Variants in CAMK1D observed in about 807,000 individuals in gnomAD.
The protein encoded by CAMK1D is calcium/calmodulin dependent protein kinase ID, also known as calcium/calmodulin-dependent protein kinase type 1D.
In CAMK1D, 9 loss-of-function variants were observed where a neutral mutation model predicts 47.7. The ratio of observed to expected loss-of-function variants is 0.19; its 90% CI spans 0.11 to 0.33. CAMK1D has a LOEUF of 0.33. CAMK1D is among the 10% of genes least tolerant of loss of function. The probability of loss-of-function intolerance (pLI) is 1.00; values close to 1 mark genes in which losing one functional copy is unlikely to be tolerated. For synonymous variants in CAMK1D, 184 were observed against 184.9 expected, an observed-to-expected ratio of 0.99 and a Z score of 0.04; for missense variants, 291 against 488.7, an observed-to-expected ratio of 0.60 and a Z score of 3.81.
intron 1 of CAMK1D, among the ~76,000 whole-genome samples, chr10:12,524,069 A>G (rs576088332): frequency 4.6e-5 from 7 of 150,580 alleles, no homozygotes; most frequent in Non-Finnish European, 8.9e-5. Context: ...TTTTTTGTAT[A>G]TTTTAGTAGA....
chr10:12,659,409 C>A (rs1252599770), intron 2 of CAMK1D, among the ~76,000 whole-genome samples: 2 of 152,202 alleles, frequency 1.3e-5, no homozygotes, highest in Non-Finnish European at 2.9e-5. Context: ...GAGTGATCAT[C>A]TGTGAGATAG....
At chr10:12,376,999 G>A (rs1012869290) in intron 1 of CAMK1D, among the ~76,000 whole-genome samples, 51 of 152,168 alleles carry the variant, frequency 3.4e-4, no homozygotes, top group African/African-American at 1.1e-3. Context: ...GACCTCAAGT[G>A]ATCCTCCTGC....
chr10:12,554,848 G>C (rs1039981392), intron 2 of CAMK1D, among the ~76,000 whole-genome samples: 1 of 152,166 alleles, frequency 6.6e-6, no homozygotes, highest in African/African-American at 2.4e-5. Flanking sequence ...CTGGCTCCCA[G>C]AACCATTCTG....
chr10:12,520,958 G>GAGGGGA, intron 1 of CAMK1D, among the ~76,000 whole-genome samples: 1 of 135,710 alleles, frequency 7.4e-6, no homozygotes, highest in Non-Finnish European at 1.6e-5. Flanking sequence ...GGGGGAGGGG[G>GAGGGGA]AGGGGGAGGG....
At chr10:12,738,259 G>A (rs1269481098) in intron 3 of CAMK1D, among the ~76,000 whole-genome samples, 2 of 152,190 alleles carry the variant, frequency 1.3e-5, no homozygotes, top group Admixed American at 1.3e-4. Context: ...CTGTCAATAA[G>A]AGGACATTTT....
intron 6 of CAMK1D, among the ~76,000 whole-genome samples, chr10:12,808,151 C>A (rs59839798): frequency 0.52 from 78,828 of 152,086 alleles, 22,538 homozygotes; most frequent in South Asian, 0.7. Context: ...CCTGCTTATC[C>A]CCTGAGATAG....
At chr10:12,650,407 C>T (rs1262016199) in intron 2 of CAMK1D, among the ~76,000 whole-genome samples, 1 of 152,246 alleles carries the variant, frequency 6.6e-6, no homozygotes, top group African/African-American at 2.4e-5. Context: ...TTTACGTACA[C>T]TTCTGTCTTC....
chr10:12,755,625 A>G (rs1344792904), intron 3 of CAMK1D, among the ~76,000 whole-genome samples: 1 of 152,170 alleles, frequency 6.6e-6, no homozygotes, highest in Non-Finnish European at 1.5e-5. Context: ...CCAACAGTGT[A>G]AAAGTGTTCC....
chr10:12,759,978 C>T (rs1405384580), intron 3 of CAMK1D, among the ~76,000 whole-genome samples: 1 of 152,084 alleles, frequency 6.6e-6, no homozygotes, highest in Non-Finnish European at 1.5e-5. Flanking sequence ...TCAAATCTGT[C>T]TCATCTTGTT....
At chr10:12,792,640 T>C (rs1838025213) in intron 6 of CAMK1D, among the ~76,000 whole-genome samples, 1 of 152,218 alleles carries the variant, frequency 6.6e-6, no homozygotes, top group Non-Finnish European at 1.5e-5. Flanking sequence ...GCAGATGGCC[T>C]TTCTCCAGCG....
intron 1 of CAMK1D, among the ~76,000 whole-genome samples, chr10:12,498,099 C>T (rs1034405359): frequency 1.3e-5 from 2 of 152,192 alleles, no homozygotes; most frequent in Non-Finnish European, 2.9e-5. Context: ...CAATTACCTC[C>T]CATCGGGTCC....
At chr10:12,729,102 G>A (rs374050336) in intron 3 of CAMK1D, among the ~76,000 whole-genome samples, 3 of 152,142 alleles carry the variant, frequency 2.0e-5, no homozygotes, top group African/African-American at 7.2e-5. Context: ...TCATGTCATC[G>A]TGGTTGGGCA....
At position 12,642,048 on chromosome 10, in the gene CAMK1D, T is replaced by TAAAAAAAA. The variant is rs34344996; in HGVS notation, c.225-24681_225-24674dup. On this transcript the variant is annotated intron_variant, in intron 2 of 10. Transcript: ENST00000619168. ...GACAGAGTGAGACCCTTTCTCAGAATAAAAAAAAAAAAAAGAAAGAAAAGG... is the reference window on the plus strand; with the variant it reads ...GACAGAGTGAGACCCTTTCTCAGAATAAAAAAAAAAAAAAAAAAAAAAGAAAGAAAAGG... Among the ~76,000 whole-genome samples, 30 of 133,090 alleles carry TAAAAAAAA rather than the reference T, an allele frequency of 2.3e-4. 2 individuals carry two copies. The highest frequency in any genetic ancestry group is 8.9e-4 in the East Asian group (4 of 4,516). 87.3% of individuals were successfully genotyped at this position (133,090 alleles called of 152,430 possible).
chr10:12,828,665 C>G (rs1404969268), intron 10 of CAMK1D, 104 bp from the exon 11 acceptor site: 2 of 827,196 alleles, frequency 2.4e-6, no homozygotes, highest in Non-Finnish European at 1.9e-6. Flanking sequence ...ATTGGGCCCC[C>G]CCGCCCCCCA....
At chr10:12,593,987 A>G (rs998205755) in intron 2 of CAMK1D, among the ~76,000 whole-genome samples, 1 of 151,832 alleles carries the variant, frequency 6.6e-6, no homozygotes, top group Non-Finnish European at 1.5e-5. Context: ...GACCAGCCTG[A>G]CCAACGTGGT....
intron 1 of CAMK1D, among the ~76,000 whole-genome samples, chr10:12,420,468 T>C (rs1270916469): frequency 6.6e-6 from 1 of 152,252 alleles, no homozygotes; most frequent in East Asian, 1.9e-4. Context: ...GTGGATTTTA[T>C]GGCTTAGTAA....
chr10:12,373,050 C>T (rs370410650), intron 1 of CAMK1D, among the ~76,000 whole-genome samples: 13 of 152,330 alleles, frequency 8.5e-5, no homozygotes, highest in South Asian at 8.3e-4. Flanking sequence ...ATTCTTTTAA[C>T]AGACGTTTGC....
chr10:12,814,300 C>T lies in CAMK1D; in HGVS notation c.747C>T (p.Ser249=), dbSNP rs774341330. 38 of 1,606,370 alleles carry T rather than the reference C, an allele frequency of 2.4e-5. No individual in the cohort carries two copies. Among genetic ancestry groups the T allele is most frequent in the Middle Eastern group, 3.3e-4 (2 of 6,050 alleles). The change falls in exon 7 of 11, where the codon TCC becomes TCT. Residue 249 remains serine (S), a synonymous_variant. Transcript: ENST00000619168. ...EFDSPYWDDI[S]DSAKDFIRNL... is the part of the protein sequence containing the mutation. ...ACTCTCCCTACTGGGATGACATCTCCGACTCTGGTAGGTCTCCCATAGGCA... is the reference window on the plus strand; with the variant it reads ...ACTCTCCCTACTGGGATGACATCTCTGACTCTGGTAGGTCTCCCATAGGCA...
chr10:12,588,866 ATGTGTGTG>A (rs61703961), intron 2 of CAMK1D, among the ~76,000 whole-genome samples: 1 of 144,284 alleles, frequency 6.9e-6, no homozygotes, highest in Non-Finnish European at 1.5e-5. Context: ...ATATGTATAT[ATGTGTGTG>A]TGTGTGTGTG....
Sources: allele counts gnomAD v4.1 joint callset (sites outside exome capture counted in the v4.1 genomes callset), GRCh38; gene constraint gnomAD v4.1.1; transcripts MANE v1.5; gene names NCBI Gene and HGNC (gene_info 2026-07-23, HGNC 2026-07-21).